Variants in CFAP161 observed in about 807,000 individuals in gnomAD.
CFAP161 encodes cilia and flagella associated protein 161.
A neutral mutation model predicts 29.0 loss-of-function variants in CFAP161; 25 were observed. The ratio of observed to expected loss-of-function variants is 0.86; its 90% CI spans 0.63 to 1.20. The LOEUF (loss-of-function observed/expected upper bound fraction) is 1.20. CFAP161 is among the 50% of genes most tolerant of loss of function. CFAP161 has a pLI of 0.00. For missense variants in CFAP161, 367 were observed against 371.9 expected, an observed-to-expected ratio of 0.99 and a Z score of 0.11; for synonymous variants, 116 against 137.4, an observed-to-expected ratio of 0.84 and a Z score of 1.09.
At chr15:81,118,344 CTT>C in intron 1 of CFAP161, 1 of 385,738 alleles carries the variant, frequency 2.6e-6, no homozygotes. Flanking sequence ...CTCGAACCCT[CTT>C]TAAACACTCT....
At chr15:81,142,264 C>CTT (rs76890933) in intron 4 of CFAP161, among the ~76,000 whole-genome samples, 2 of 149,016 alleles carry the variant, frequency 1.3e-5, no homozygotes, top group South Asian at 2.1e-4. Context: ...CCAGGTTGAT[C>CTT]TTTTTTTTTT....
upstream of CFAP161, among the ~76,000 whole-genome samples, chr15:81,133,216 TATATATA>T (rs1249577873): frequency 4.6e-4 from 17 of 36,674 alleles, no homozygotes; most frequent in East Asian, 1.1e-3. Context: ...TATATATATA[TATATATA>T]TGTATTTTTT....
chr15:81,143,759 G>C lies in CFAP161; in HGVS notation c.575G>C (p.Cys192Ser), dbSNP rs757820214. 4.3e-6 allele frequency: 7 copies of C among 1,614,050 alleles called. No individual in the cohort carries two copies. The Admixed American group carries it at 6.7e-5, about 15-fold the overall frequency. Reference sequence around the variant, plus strand: ...ACAGATGAGGTCTCCCATGTGAACTGCTGGCAGGCTGCCTTCCCTGACCCC... The same window carrying C: ...ACAGATGAGGTCTCCCATGTGAACTCCTGGCAGGCTGCCTTCCCTGACCCC... ...YLTDEVSHVNCWQAAFPDPQL... is the reference protein window; with the variant it reads ...YLTDEVSHVNSWQAAFPDPQL... The change falls in exon 5 of 7, where the codon TGC (cysteine) becomes TCC (serine). Residue 192 changes from cysteine to serine, a missense_variant. Cys to Ser is a moderately radical substitution (Grantham distance 112). Transcript: ENST00000286732.
chr15:81,148,424 T>C lies in CFAP161; in HGVS notation c.797T>C (p.Leu266Ser), dbSNP rs1310320791. Reference protein sequence around the residue: ...RVEKPRNHWMLVTGNPRDASS... With the variant: ...RVEKPRNHWMSVTGNPRDASS... Reference sequence around the variant, plus strand: ...GAGAAACCAAGGAACCACTGGATGTTGGTTACTGGGAATCCCAGGGATGCC... The same window carrying C: ...GAGAAACCAAGGAACCACTGGATGTCGGTTACTGGGAATCCCAGGGATGCC... The change falls in exon 7 of 7, where the codon TTG becomes TCG. Residue 266 changes from leucine (L) to serine (S), a missense_variant. Transcript: ENST00000286732. The C allele has an allele frequency of 6.2e-7, 1 of 1,614,208 alleles. No individual in the cohort carries two copies. Among genetic ancestry groups the C allele is most frequent in the African/African-American group, 1.3e-5 (1 of 75,048 alleles).
At chr15:81,103,980 T>C (rs539110555) in intron 1 of CFAP161, among the ~76,000 whole-genome samples, 8 of 133,574 alleles carry the variant, frequency 6.0e-5, no homozygotes, top group African/African-American at 2.0e-4. Flanking sequence ...TGTGGTGGTA[T>C]GAGAGGTGAG....
At chr15:81,115,462 G>C (rs973310698) in intron 1 of CFAP161, among the ~76,000 whole-genome samples, 11 of 152,120 alleles carry the variant, frequency 7.2e-5, no homozygotes, top group African/African-American at 2.7e-4. Flanking sequence ...TAAAGAGGAA[G>C]GTTGGAGGAA....
In CFAP161 at chr15:81,136,582, G is replaced by C. The variant is rs1567157837; in HGVS notation, c.226G>C (p.Asp76His). 1.2e-6 allele frequency: 2 copies of C among 1,614,184 alleles called. No homozygotes were observed. The highest frequency in any genetic ancestry group is 8.5e-7 in the Non-Finnish European group (1 of 1,180,026). Residue 76 changes from aspartate (D) to histidine (H), a missense_variant, in exon 3 of 7, where the codon GAT becomes CAT. Asp to His is a moderately conservative substitution (Grantham distance 81, BLOSUM62 -1). Coordinates refer to ENST00000286732, the MANE Select transcript of CFAP161 (RefSeq NM_173528.4). ...TGACAAAGTGATGCTTGTGAATCCT[G>C]ATGATCCTGACACAGAAGCTGATGT... ...YGDKVMLVNP[D>H]DPDTEADVFL...
At chr15:81,145,641 A>C (rs184816825) in intron 5 of CFAP161, among the ~76,000 whole-genome samples, 1 of 152,274 alleles carries the variant, frequency 6.6e-6, no homozygotes, top group African/African-American at 2.4e-5. Flanking sequence ...GGCCTCACTG[A>C]GACATGGTTA....
intron 1 of CFAP161, among the ~76,000 whole-genome samples, chr15:81,107,348 G>C (rs143317780): frequency 6.6e-6 from 1 of 152,340 alleles, no homozygotes; most frequent in African/African-American, 2.4e-5. Context: ...GTCATAGACT[G>C]TGATTCCACC....
chr15:81,138,009 C>A lies in CFAP161; in HGVS notation c.393-42C>A, dbSNP rs529503268. 2.8e-6 allele frequency: 4 copies of A among 1,428,630 alleles called. No individual in the cohort carries two copies. In the African/African-American group the frequency reaches 4.2e-5, roughly 15 times the overall value. 88.5% of individuals were successfully genotyped at this position (1,428,630 alleles called of 1,614,324 possible). A position where few individuals can be genotyped will look rare whatever the true frequency, so the allele number is the denominator to read the frequency against. On this transcript the variant is annotated intron_variant, in intron 3 of 6. Coordinates refer to ENST00000286732, the MANE Select transcript of CFAP161 (RefSeq NM_173528.4). ...ATAGAGTCATAGAATGATTCTAATA[C>A]AGAGAGTTTACATTTACATTATACT...
chr15:81,139,538 AT>A (rs1022621202), intron 4 of CFAP161, among the ~76,000 whole-genome samples: 3 of 152,174 alleles, frequency 2.0e-5, no homozygotes, highest in African/African-American at 7.2e-5. Flanking sequence ...CTAAAATAGC[AT>A]TTTTAAAGCT....
chr15:81,118,480 C>G (rs569366567), intron 1 of CFAP161: 14 of 182,200 alleles, frequency 7.7e-5, no homozygotes, highest in African/African-American at 3.1e-4. Context: ...GGGACCGGAG[C>G]GGGGTGGGAG....
upstream of CFAP161, among the ~76,000 whole-genome samples, chr15:81,133,931 C>CA (rs561025646): frequency 1.5e-3 from 226 of 151,680 alleles, 3 homozygotes; most frequent in African/African-American, 5.2e-3. Context: ...CTGCTGATTA[C>CA]AAAAAATAGG....
At chr15:81,115,718 CA>C (rs1261942263) in intron 1 of CFAP161, among the ~76,000 whole-genome samples, 1 of 152,140 alleles carries the variant, frequency 6.6e-6, no homozygotes, top group Non-Finnish European at 1.5e-5. Flanking sequence ...CTCACTCTGT[CA>C]CTGCAGCTGG....
intron 5 of CFAP161, among the ~76,000 whole-genome samples, chr15:81,147,477 A>G (rs2141887774): frequency 6.6e-6 from 1 of 152,278 alleles, no homozygotes; most frequent in South Asian, 2.1e-4. Flanking sequence ...TACATCATAA[A>G]TGTACTTACA....
rs1345866234 is a variant in CFAP161, at chr15:81,113,620, C to A, written c.-141-13970C>A. Among the ~76,000 whole-genome samples, 3 of 152,180 alleles carry A rather than the reference C, an allele frequency of 2.0e-5. 1 individual carries two copies. Among genetic ancestry groups the A allele is most frequent in the Non-Finnish European group, 2.9e-5 (2 of 68,038 alleles). On this transcript the variant is annotated intron_variant, in intron 1 of 4. Transcript: ENST00000560091. ...ATTACAAAGGATGTTATAAAGGATA[C>A]AACTCAGTAACAGCCAAATGGAAGA... is the stretch of plus-strand genomic sequence containing the variant.
chr15:81,105,163 T>TCCCTCCCTC (rs1246992229), intron 1 of CFAP161, among the ~76,000 whole-genome samples: 1 of 33,140 alleles, frequency 3.0e-5, no homozygotes, highest in African/African-American at 1.9e-4. Context: ...CTCCCTCCCT[T>TCCCTCCCTC]CCTTCCTCCC....
intron 1 of CFAP161, among the ~76,000 whole-genome samples, chr15:81,126,701 A>G (rs750307129): frequency 6.6e-6 from 1 of 152,156 alleles, no homozygotes; most frequent in Non-Finnish European, 1.5e-5. Context: ...TAGATTATTA[A>G]TTTGTCAGTT....
chr15:81,100,494 C>T (rs1894290526), intron 1 of CFAP161, among the ~76,000 whole-genome samples: 1 of 151,958 alleles, frequency 6.6e-6, no homozygotes, highest in Non-Finnish European at 1.5e-5. Context: ...AAACTTTCCC[C>T]CTCAGAATTT....
Sources: allele counts gnomAD v4.1 joint callset (sites outside exome capture counted in the v4.1 genomes callset), GRCh38; gene constraint gnomAD v4.1.1; transcripts MANE v1.5; gene names NCBI Gene and HGNC (gene_info 2026-07-23, HGNC 2026-07-21).